The following ZFYVE26 variants were observed in gnomAD, a reference collection of about 807,000 sequenced individuals.
The protein encoded by ZFYVE26 is zinc finger FYVE domain-containing protein 26.
Under a neutral mutation model 276.5 loss-of-function variants are expected in ZFYVE26, and 181 were observed. The ratio of observed to expected loss-of-function variants is 0.65; its 90% CI spans 0.58 to 0.74. ZFYVE26 has a LOEUF of 0.74. Ranked by LOEUF, ZFYVE26 falls within the 30% of genes least tolerant of loss-of-function variation. The pLI, the probability that ZFYVE26 is intolerant of heterozygous loss-of-function variation, is 0.00. For missense variants in ZFYVE26, 2,821 were observed against 3,097.9 expected (o/e 0.91, Z 2.12); for synonymous variants, 1,129 against 1,203.1 (o/e 0.94, Z 1.27).
At chr14:67,789,793 A>G (rs541836193) in intron 15 of ZFYVE26, among the ~76,000 whole-genome samples, 195 bp from the exon 16 acceptor site, 28 of 152,330 alleles carry the variant, frequency 1.8e-4, no homozygotes, top group Admixed American at 1.7e-3. Context: ...CAAGAGACTC[A>G]GAGTGGTCCA....
Position 67,785,959 on chromosome 14 carries a change from C to T in ZFYVE26, c.3203G>A (p.Cys1068Tyr). ...RCSITELLQMCWPSLSEDCVA... is the reference protein window; with the variant it reads ...RCSITELLQMYWPSLSEDCVA... ...ACAGTCCTCGCTTAGGCTGGGCCAG[C>T]ACATCTGAAGCAGTTCAGTGATGCT... Residue 1068 changes from cysteine to tyrosine, a missense_variant, in exon 18 of 42, where the codon TGC becomes TAC. Cys to Tyr is a radical substitution (Grantham distance 194). Transcript: ENST00000347230. The T allele has an allele frequency of 6.2e-7, 1 of 1,614,208 alleles. No homozygotes were observed. The highest frequency in any genetic ancestry group is 8.5e-7 in the Non-Finnish European group (1 of 1,180,038).
intron 10 of ZFYVE26, among the ~76,000 whole-genome samples, chr14:67,801,050 C>T (rs61987493): frequency 2.6e-5 from 4 of 151,972 alleles, no homozygotes; most frequent in Non-Finnish European, 4.4e-5. Flanking sequence ...GTCAGGAGTT[C>T]GACACCAGCC....
intron 13 of ZFYVE26, chr14:67,733,714 CCTGGAAT>C: frequency 7.0e-7 from 1 of 1,438,168 alleles, no homozygotes; most frequent in South Asian, 1.1e-5. Context: ...AATTCTCATT[CCTGGAAT>C]TTACTGTCTT....
chr14:67,762,676 A>G lies in ZFYVE26; in HGVS notation c.6155T>C (p.Val2052Ala), dbSNP rs142987669. The G allele has an allele frequency of 9.9e-5, 159 of 1,613,596 alleles. No individual in the cohort carries two copies. The African/African-American group carries it at 1.9e-3, about 19-fold the overall frequency. ...LLEAEYYQLG[V>A]EVSTKTGLDT... Reference sequence around the variant, plus strand: ...TTGTCTTTGTCTTTGTCTCACCTCAACGCCCAGTTGGTAGTACTCGGCTTC... The same window carrying G: ...TTGTCTTTGTCTTTGTCTCACCTCAGCGCCCAGTTGGTAGTACTCGGCTTC... Residue 2052 changes from valine (V) to alanine (A), a missense_variant, in exon 33 of 42, where the codon GTT becomes GCT. Physicochemically the swap from Val to Ala is moderately conservative, Grantham distance 64. Coordinates refer to ENST00000347230, the MANE Select transcript of ZFYVE26 (RefSeq NM_015346.4).
At chr14:67,792,382 G>A (rs2039837084) in intron 14 of ZFYVE26, among the ~76,000 whole-genome samples, 1 of 152,142 alleles carries the variant, frequency 6.6e-6, no homozygotes, top group Admixed American at 6.5e-5. Context: ...TTGTTATTAA[G>A]TTTAATCAAT....
downstream of ZFYVE26, among the ~76,000 whole-genome samples, chr14:67,743,394 G>C (rs1358721285): frequency 1.3e-5 from 2 of 152,066 alleles, no homozygotes; most frequent in Non-Finnish European, 2.9e-5. Flanking sequence ...AGGAGGCTGA[G>C]GTGGGAGGAT....
intron 13 of ZFYVE26, among the ~76,000 whole-genome samples, chr14:67,740,542 T>C (rs1221116036): frequency 6.6e-6 from 1 of 152,208 alleles, no homozygotes; most frequent in Non-Finnish European, 1.5e-5. Context: ...CTGAAGTTCA[T>C]TGTCCATTTA....
chr14:67,815,089 G>T (rs1348491880), intron 2 of ZFYVE26, among the ~76,000 whole-genome samples: 1 of 152,190 alleles, frequency 6.6e-6, no homozygotes, highest in Non-Finnish European at 1.5e-5. Context: ...GCACCAAGGA[G>T]TGAGGGAATT....
intron 35 of ZFYVE26, among the ~76,000 whole-genome samples, chr14:67,757,680 T>TTCTTTCTC (rs1555393901): frequency 1.3e-4 from 19 of 144,884 alleles, no homozygotes; most frequent in East Asian, 1.2e-3. Context: ...CTTTCTTTCT[T>TTCTTTCTC]TCTCTCTCTC....
chr14:67,738,430 A>T (rs577828964), intron 13 of ZFYVE26, among the ~76,000 whole-genome samples: 1 of 148,978 alleles, frequency 6.7e-6, no homozygotes, highest in African/African-American at 2.4e-5. Context: ...AAATAATTAT[A>T]TACTAATCTC....
At position 67,816,048 on chromosome 14, in the gene ZFYVE26, T is replaced by G; in HGVS notation, c.-83-2A>C. The G allele has an allele frequency of 8.9e-7, 1 of 1,124,496 alleles. No individual in the cohort carries two copies. Among genetic ancestry groups the G allele is most frequent in the South Asian group, 1.4e-5 (1 of 70,682 alleles). The allele number at this position is 1,124,496 out of a possible 1,614,324, so 69.7% of individuals were successfully genotyped here. The stretch of plus-strand genomic sequence containing the variant: ...ATGTTCTCATTCGCGGAGTACCTCC[T>G]AGAAACAACACAACGCCAGTGAGAA... On this transcript the variant is annotated splice_acceptor_variant, in intron 1 of 41. Coordinates refer to ENST00000347230, the MANE Select transcript of ZFYVE26 (RefSeq NM_015346.4). LOFTEE classifies it low-confidence loss of function (5UTR_SPLICE).
intron 9 of ZFYVE26, among the ~76,000 whole-genome samples, chr14:67,802,819 C>T (rs2040105784): frequency 6.6e-6 from 1 of 152,076 alleles, no homozygotes; most frequent in African/African-American, 2.4e-5. Flanking sequence ...CACTGGTTCT[C>T]CAATTAGTAG....
rs201273988 is a variant in ZFYVE26 at position 67,807,457 on chromosome 14, C to T, written c.827G>A (p.Gly276Asp). The T allele has an allele frequency of 8.4e-5, 135 of 1,614,026 alleles. No homozygotes were observed. Among genetic ancestry groups the T allele is most frequent in the Non-Finnish European group, 1.1e-4 (129 of 1,180,024 alleles). ...KASRGLLSLY[G>D]HTYAEKVTEK... ...TGTGACCTTCTCTGCATAGGTATGG[C>T]CATACAGGGACAGCAGGCCCCGGCT... The change falls in exon 5 of 42, where the codon GGC becomes GAC. Residue 276 changes from glycine (G) to aspartate (D), a missense_variant. Gly to Asp is a moderately conservative substitution (Grantham distance 94). Coordinates refer to ENST00000347230, the MANE Select transcript of ZFYVE26 (RefSeq NM_015346.4).
downstream of ZFYVE26, among the ~76,000 whole-genome samples, chr14:67,745,786 T>C (rs551513571): frequency 2.7e-4 from 41 of 151,698 alleles, no homozygotes; most frequent in Admixed American, 9.2e-4. Flanking sequence ...TCTAGCACTT[T>C]GGGAGGATGA....
Position 67,813,995 on chromosome 14 carries a change from G to A in ZFYVE26, c.264C>T (p.Ala88=), listed in dbSNP as rs1270813606. 7.4e-6 allele frequency: 12 copies of A among 1,613,336 alleles called. No individual in the cohort carries two copies. The highest frequency in any genetic ancestry group is 1.0e-5 in the Non-Finnish European group (12 of 1,179,576). ...VWLLVLEKWL[A]REKKLLPVVF... Reference sequence around the variant, plus strand: ...ATATAAACCTACTTACCTTTTCCCGGGCCAACCATTTCTCCAGTACAAGAA... The same window carrying A: ...ATATAAACCTACTTACCTTTTCCCGAGCCAACCATTTCTCCAGTACAAGAA... The change falls in exon 3 of 42, where the codon GCC becomes GCT. Residue 88 remains alanine, a synonymous_variant. Coordinates refer to ENST00000347230, the MANE Select transcript of ZFYVE26 (RefSeq NM_015346.4).
chr14:67,745,797 G>A (rs1273708124), downstream of ZFYVE26, among the ~76,000 whole-genome samples: 1 of 151,742 alleles, frequency 6.6e-6, no homozygotes, highest in Non-Finnish European at 1.5e-5. Flanking sequence ...GGGAGGATGA[G>A]GCAGGATTGC....
intron 3 of ZFYVE26, among the ~76,000 whole-genome samples, chr14:67,811,398 G>T (rs1458881901): frequency 6.6e-6 from 1 of 152,130 alleles, no homozygotes; most frequent in Non-Finnish European, 1.5e-5. Flanking sequence ...GTGACCGAGA[G>T]GAGCAAAAAT....
At chr14:67,798,900 C>T (rs2040019413) in intron 10 of ZFYVE26, 2 of 938,678 alleles carry the variant, frequency 2.1e-6, no homozygotes, top group African/African-American at 1.6e-5. Context: ...CAGGCCCCGC[C>T]CCCGGGGAGG....
chr14:67,762,506 C>T (rs2038960089), intron 33 of ZFYVE26, 94 bp from the exon 34 acceptor site: 2 of 1,529,518 alleles, frequency 1.3e-6, no homozygotes, highest in South Asian at 2.3e-5. Context: ...CCAACCACCT[C>T]ATTCCCACTA....
Sources: gnomAD v4.1 joint callset for allele counts (sites outside exome capture counted in the v4.1 genomes callset) on GRCh38, gnomAD v4.1.1 for gene constraint, MANE v1.5 for transcripts, NCBI Gene and HGNC (gene_info 2026-07-23, HGNC 2026-07-21) for gene names.